The following TRPM2 variants were observed in gnomAD, a reference collection of about 807,000 sequenced individuals.
TRPM2 encodes estrogen-responsive element-associated gene 1 protein.
In TRPM2, 161 loss-of-function variants were observed where a neutral mutation model predicts 174.0. The observed-to-expected ratio is 0.93, with a 90% confidence interval of 0.81 to 1.05. TRPM2 has a LOEUF of 1.05. Ranked by LOEUF, TRPM2 falls within the 50% of genes least tolerant of loss-of-function variation. TRPM2 has a pLI of 0.00. For synonymous variants in TRPM2, 954 were observed against 861.3 expected (o/e 1.11, Z -1.88); for missense variants, 2,057 against 2,038.0 (o/e 1.01, Z -0.18).
intron 11 of TRPM2, among the ~76,000 whole-genome samples, chr21:44,394,617 C>T (rs2049285836): frequency 6.6e-6 from 1 of 151,788 alleles, no homozygotes; most frequent in African/African-American, 2.4e-5. Flanking sequence ...CCGTGCCAGG[C>T]CGGGTATGGC....
At chr21:44,356,634 C>G (rs760840254) in intron 2 of TRPM2, among the ~76,000 whole-genome samples, 2 of 151,144 alleles carry the variant, frequency 1.3e-5, no homozygotes, top group African/African-American at 2.4e-5. Context: ...CAGGTTCATG[C>G]GATTCACCAT....
At chr21:44,388,769 C>T (rs2049087791) in intron 9 of TRPM2, among the ~76,000 whole-genome samples, 1 of 151,950 alleles carries the variant, frequency 6.6e-6, no homozygotes, top group Admixed American at 6.6e-5. Flanking sequence ...TGCAATAAGC[C>T]TTATGATTAT....
intron 13 of TRPM2, among the ~76,000 whole-genome samples, chr21:44,398,733 G>A (rs147382282): frequency 6.6e-6 from 1 of 152,314 alleles, no homozygotes; most frequent in Non-Finnish European, 1.5e-5. Context: ...TGAAGCATCA[G>A]AATGCAGGCT....
At position 44,414,060 on chromosome 21, in the gene TRPM2, C is replaced by T. The variant is rs2050194805; in HGVS notation, c.3132C>T (p.Leu1044=). 6.2e-7 allele frequency: 1 copy of T among 1,612,304 alleles called. No homozygotes were observed. The highest frequency in any genetic ancestry group is 1.3e-5 in the African/African-American group (1 of 74,914). ...CCAACATCCTGCTGCTCAACCTCCT[C>T]ATCGCCATGTTCAAGTGAGCGCCTG... The part of the protein sequence containing the change: ...LFTNILLLNL[L]IAMFNYTFQQ... Residue 1044 remains leucine (L), a synonymous_variant, in exon 20 of 32, where the codon CTC becomes CTT. Transcript: ENST00000397928.
chr21:44,408,127 TG>T (rs1286364890), intron 19 of TRPM2, among the ~76,000 whole-genome samples: 16 of 151,746 alleles, frequency 1.1e-4, no homozygotes, highest in African/African-American at 3.4e-4. Flanking sequence ...TGTATTTTTT[TG>T]TAGAGATGGG....
At chr21:44,375,612 C>T (rs2048675055) in intron 5 of TRPM2, among the ~76,000 whole-genome samples, 1 of 152,238 alleles carries the variant, frequency 6.6e-6, no homozygotes, top group Non-Finnish European at 1.5e-5. Context: ...CACCACCTCT[C>T]TCCTGTAAGG....
At chr21:44,404,150 CAG>C (rs2049761695) in intron 16 of TRPM2, among the ~76,000 whole-genome samples, 1 of 151,880 alleles carries the variant, frequency 6.6e-6, no homozygotes, top group Non-Finnish European at 1.5e-5. Context: ...CACACACATA[CAG>C]ACACATACAC....
At chr21:44,394,733 T>C (rs2049289789) in intron 11 of TRPM2, among the ~76,000 whole-genome samples, 1 of 152,246 alleles carries the variant, frequency 6.6e-6, no homozygotes, top group Non-Finnish European at 1.5e-5. Flanking sequence ...CTCAGGCTTA[T>C]CTGTACCTGT....
At chr21:44,364,345 C>T (rs1044774463) in intron 3 of TRPM2, 63 bp downstream of exon 3, 169 of 1,570,190 alleles carry the variant, frequency 1.1e-4, no homozygotes, top group African/African-American at 8.2e-4. Context: ...CAGTGACACG[C>T]GGTGGTCGGC....
At position 44,401,720 on chromosome 21, in the gene TRPM2, CGCCCGT is replaced by C. The variant is rs1569067787; in HGVS notation, c.2365_2370del (p.Arg789_Ala790del). ...AGGATGTGGGCACCCCCGCGGCCCG[CGCCCGT>C]GCCTTCTTCACCGCACCCGTGGTGG... On this transcript the variant is annotated inframe_deletion, in exon 16 of 32. Coordinates refer to ENST00000397928, the MANE Select transcript of TRPM2 (RefSeq NM_003307.4). 1.2e-6 allele frequency: 2 copies of C among 1,613,368 alleles called. No individual in the cohort carries two copies. The highest frequency in any genetic ancestry group is 1.7e-5 in the Admixed American group (1 of 60,022).
intron 5 of TRPM2, among the ~76,000 whole-genome samples, chr21:44,369,933 G>A (rs1347865685): frequency 2.8e-5 from 3 of 105,612 alleles, no homozygotes; most frequent in Non-Finnish European, 5.9e-5. Flanking sequence ...AGTTCTGACC[G>A]GGTGCTGCGG....
intron 6 of TRPM2, among the ~76,000 whole-genome samples, 180 bp from the exon 7 acceptor site, chr21:44,377,532 G>T (rs978258631): frequency 9.9e-5 from 15 of 152,232 alleles, no homozygotes; most frequent in African/African-American, 3.1e-4. Flanking sequence ...CTCCCAGCAG[G>T]TGCTTCAGTG....
intron 9 of TRPM2, among the ~76,000 whole-genome samples, chr21:44,389,161 G>A (rs976206361): frequency 2.0e-5 from 3 of 152,118 alleles, no homozygotes; most frequent in Admixed American, 6.5e-5. Flanking sequence ...AGAACTTCAC[G>A]TGAATGAAAT....
intron 27 of TRPM2, 99 bp downstream of exon 27, chr21:44,427,210 C>T (rs1223326185): frequency 9.2e-7 from 1 of 1,092,514 alleles, no homozygotes; most frequent in Non-Finnish European, 1.3e-6. Context: ...TCTCATAAAA[C>T]AAAATCAAAA....
chr21:44,413,647 G>A (rs2050179065), intron 19 of TRPM2, among the ~76,000 whole-genome samples: 1 of 152,088 alleles, frequency 6.6e-6, no homozygotes, highest in Non-Finnish European at 1.5e-5. Flanking sequence ...CACACCCTGG[G>A]CGGAGGCACG....
intron 5 of TRPM2, among the ~76,000 whole-genome samples, chr21:44,372,649 T>C (rs1011875326): frequency 7.9e-5 from 12 of 152,228 alleles, no homozygotes; most frequent in South Asian, 2.1e-4. Flanking sequence ...ACAAGTCACC[T>C]ATCTCCAAAA....
At chr21:44,398,497 G>A (rs1184169847) in intron 13 of TRPM2, among the ~76,000 whole-genome samples, 1 of 152,142 alleles carries the variant, frequency 6.6e-6, no homozygotes, top group Non-Finnish European at 1.5e-5. Flanking sequence ...CACCACGCCT[G>A]GTGAGACTGG....
rs1469989243 is a variant in TRPM2, at chr21:44,377,725, G to C, written c.966G>C (p.Lys322Asn). The C allele has an allele frequency of 1.9e-6, 3 of 1,614,068 alleles. No individual in the cohort carries two copies. The highest frequency in any genetic ancestry group is 2.5e-6 in the Non-Finnish European group (3 of 1,180,054). ...QTKERGGVAI[K>N]IPIVCVVLEG... ...TGCTTTTTCTAGGTGTGGCCATCAAGATCCCCATCGTGTGCGTGGTGCTGG... is the reference window on the plus strand; with the variant it reads ...TGCTTTTTCTAGGTGTGGCCATCAACATCCCCATCGTGTGCGTGGTGCTGG... Residue 322 changes from lysine to asparagine, a missense_variant, in exon 7 of 32, where the codon AAG becomes AAC. Physicochemically the swap from Lys to Asn is moderately conservative, Grantham distance 94. Coordinates refer to ENST00000397928, the MANE Select transcript of TRPM2 (RefSeq NM_003307.4).
At chr21:44,436,178 C>T (rs184728806) in intron 28 of TRPM2, among the ~76,000 whole-genome samples, 9 of 152,322 alleles carry the variant, frequency 5.9e-5, no homozygotes, top group East Asian at 5.8e-4. Context: ...AGGCACGGGC[C>T]GCCTTCTGTG....
Sources: gnomAD v4.1 joint callset for allele counts (sites outside exome capture counted in the v4.1 genomes callset) on GRCh38, gnomAD v4.1.1 for gene constraint, MANE v1.5 for transcripts, NCBI Gene and HGNC (gene_info 2026-07-23, HGNC 2026-07-21) for gene names.